The following SNX30 variants were observed in gnomAD, a reference collection of about 807,000 sequenced individuals.
The protein encoded by SNX30 is sorting nexin family member 30, also known as sorting nexin-30.
Under a neutral mutation model 46.4 loss-of-function variants are expected in SNX30, and 24 were observed. The ratio of observed to expected loss-of-function variants is 0.52; its 90% confidence interval spans 0.37 to 0.73. The LOEUF (loss-of-function observed/expected upper bound fraction) is 0.73, where lower values mean the gene tolerates loss of function less well. Among genes scored for constraint, SNX30 ranks in the 30% least tolerant of loss-of-function variants. The pLI is 0.00. For missense variants in SNX30, 533 were observed against 555.7 expected (o/e 0.96, Z 0.41); for synonymous variants, 189 against 211.5 (o/e 0.89, Z 0.92).
intron 3 of SNX30, among the ~76,000 whole-genome samples, chr9:112,818,375 G>A (rs4978504): frequency 0.81 from 122,871 of 151,932 alleles, 49,665 homozygotes; most frequent in Middle Eastern, 0.86. Context: ...GATTACAGGC[G>A]TATGCCACCA....
At chr9:112,812,399 G>T (rs62576407) in intron 2 of SNX30, among the ~76,000 whole-genome samples, 29 of 152,116 alleles carry the variant, frequency 1.9e-4, no homozygotes, top group African/African-American at 6.5e-4. Flanking sequence ...GGGACTACAG[G>T]CATGGACCAC....
At chr9:112,785,132 T>A (rs1317900076) in intron 1 of SNX30, among the ~76,000 whole-genome samples, 1 of 152,224 alleles carries the variant, frequency 6.6e-6, no homozygotes, top group African/African-American at 2.4e-5. Context: ...CCACTCTTTC[T>A]GCCATCTCAT....
chr9:112,781,816 A>G lies in SNX30; in HGVS notation c.157-22960A>G, dbSNP rs188744200. ...TTGGCTAATTTTTTTTTTTTTTTGTATATTTAGTAGAGACGGGGTTTTGCC... is the reference window on the plus strand; with the variant it reads ...TTGGCTAATTTTTTTTTTTTTTTGTGTATTTAGTAGAGACGGGGTTTTGCC... On this transcript the variant is annotated intron_variant, in intron 1 of 8. Coordinates refer to ENST00000374232, the MANE Select transcript of SNX30 (RefSeq NM_001012994.2). Among the ~76,000 whole-genome samples, 416 of 141,048 alleles carry G rather than the reference A, an allele frequency of 2.9e-3. 2 individuals carry two copies. Among genetic ancestry groups the G allele is most frequent in the African/African-American group, 5.8e-3 (218 of 37,902 alleles). 92.5% of individuals were successfully genotyped at this position (141,048 alleles called of 152,430 possible). A position where few individuals can be genotyped will look rare whatever the true frequency, so the allele number is the denominator to read the frequency against.
chr9:112,770,068 C>T (rs933097812), intron 1 of SNX30, among the ~76,000 whole-genome samples: 2 of 152,176 alleles, frequency 1.3e-5, no homozygotes, highest in Non-Finnish European at 2.9e-5. Flanking sequence ...TTCCTGCTTC[C>T]ACCTTCCCAC....
chr9:112,834,480 G>C (rs1292428707), intron 4 of SNX30, among the ~76,000 whole-genome samples: 1 of 152,174 alleles, frequency 6.6e-6, no homozygotes, highest in Non-Finnish European at 1.5e-5. Context: ...CAGATGAAGA[G>C]TTGCATTGGG....
chr9:112,857,778 A>C (rs946945129), intron 7 of SNX30, among the ~76,000 whole-genome samples: 3 of 151,700 alleles, frequency 2.0e-5, no homozygotes, highest in Non-Finnish European at 2.9e-5. Flanking sequence ...GCATCCATCC[A>C]TCCATCCATC....
At chr9:112,828,778 CAT>C (rs1302685722) in intron 3 of SNX30, among the ~76,000 whole-genome samples, 12 of 152,202 alleles carry the variant, frequency 7.9e-5, no homozygotes, top group Admixed American at 7.9e-4. Flanking sequence ...TGCTAAAAAA[CAT>C]AGCACCATTT....
chr9:112,836,988 A>T (rs1285944270), intron 5 of SNX30, among the ~76,000 whole-genome samples: 2 of 152,106 alleles, frequency 1.3e-5, no homozygotes, highest in Non-Finnish European at 2.9e-5. Context: ...GCTTTGCCAC[A>T]TCCCATAATG....
intron 8 of SNX30, among the ~76,000 whole-genome samples, chr9:112,864,796 C>T (rs1489894700): frequency 2.6e-5 from 4 of 151,986 alleles, no homozygotes; most frequent in East Asian, 3.8e-4. Flanking sequence ...GCAGTGAACC[C>T]CTTTGGTCAT....
chr9:112,755,711 C>A (rs189663496), intron 1 of SNX30, among the ~76,000 whole-genome samples: 27 of 151,788 alleles, frequency 1.8e-4, no homozygotes, highest in African/African-American at 5.8e-4. Flanking sequence ...TGAAAAGGCC[C>A]AGGTATTTTG....
At position 112,834,687 on chromosome 9, in the gene SNX30, G is replaced by A. The variant is rs148104081; in HGVS notation, c.619-1527G>A. On this transcript the variant is annotated intron_variant, in intron 4 of 8. Coordinates refer to ENST00000374232, the MANE Select transcript of SNX30 (RefSeq NM_001012994.2). ...TAGTCAGAAAGGCTGGGGAAGATTC[G>A]AGTCCTGCCTTGGGGCAGGTGAAAG... 2.9e-3 allele frequency among the ~76,000 whole-genome samples: 443 copies of A among 152,198 alleles called. 1 individual carries two copies. Among genetic ancestry groups the A allele is most frequent in the African/African-American group, 9.9e-3 (410 of 41,518 alleles).
downstream of SNX30, among the ~76,000 whole-genome samples, chr9:112,883,682 T>G (rs1354640531): frequency 2.3e-5 from 3 of 133,252 alleles, no homozygotes; most frequent in Admixed American, 8.9e-5. Flanking sequence ...TCTTTTCTGT[T>G]TTTTTCTTTT....
At chr9:112,830,236 T>G (rs951466907) in intron 3 of SNX30, among the ~76,000 whole-genome samples, 4 of 151,918 alleles carry the variant, frequency 2.6e-5, no homozygotes, top group Non-Finnish European at 5.9e-5. Context: ...ATAAAAGGTA[T>G]TTTTTTTAGA....
At chr9:112,828,440 G>A (rs562237665) in intron 3 of SNX30, among the ~76,000 whole-genome samples, 1 of 152,318 alleles carries the variant, frequency 6.6e-6, no homozygotes, top group Admixed American at 6.5e-5. Context: ...ACACAATGAT[G>A]AAATTGCCTG....
At chr9:112,787,122 C>T (rs1421815238) in intron 1 of SNX30, among the ~76,000 whole-genome samples, 3 of 152,178 alleles carry the variant, frequency 2.0e-5, no homozygotes, top group Non-Finnish European at 4.4e-5. Flanking sequence ...TAGGCTAGCA[C>T]ACTTCAGGAT....
intron 1 of SNX30, among the ~76,000 whole-genome samples, chr9:112,753,702 G>C (rs553938102): frequency 2.0e-5 from 3 of 152,188 alleles, no homozygotes; most frequent in African/African-American, 7.2e-5. Flanking sequence ...AATATTTAAT[G>C]AATCTCCTAA....
chr9:112,846,623 C>A (rs536455806), intron 6 of SNX30, among the ~76,000 whole-genome samples: 81 of 152,336 alleles, frequency 5.3e-4, no homozygotes, highest in Admixed American at 1.2e-3. Context: ...TTCTTTATTA[C>A]TGAACACCCA....
Position 112,880,644 on chromosome 9 carries a change from T to C in SNX30, n.3824+172T>C, listed in dbSNP as rs371646661. 1.2e-4 allele frequency among the ~76,000 whole-genome samples: 19 copies of C among 152,328 alleles called. No individual in the cohort carries two copies. The South Asian group carries it at 3.3e-3, about 27-fold the overall frequency. On this transcript the variant is annotated intron_variant and non_coding_transcript_variant, in intron 5 of 5. Transcript: ENST00000604751. ...CATCTCCTTGTTCAGGTGCTGTATA[T>C]CGTTAAACACTTTTTTCTGCTGCAA...
chr9:112,832,335 C>T (rs1840671689), intron 4 of SNX30, among the ~76,000 whole-genome samples: 2 of 151,406 alleles, frequency 1.3e-5, no homozygotes, highest in South Asian at 2.1e-4. Context: ...TCCAGAAAGC[C>T]CTTAAGCACA....
Sources: gnomAD v4.1 joint callset for allele counts (sites outside exome capture counted in the v4.1 genomes callset) on GRCh38, gnomAD v4.1.1 for gene constraint, MANE v1.5 for transcripts, NCBI Gene and HGNC (gene_info 2026-07-23, HGNC 2026-07-21) for gene names.